RRBP1: variants seen among roughly 807,000 people sequenced by gnomAD.
RRBP1 encodes the protein ribosome binding protein 1, also known as ribosome-binding protein 1.
Under a neutral mutation model 165.2 loss-of-function variants are expected in RRBP1, and 94 were observed. The observed-to-expected ratio is 0.57, with a 90% CI of 0.48 to 0.68. The LOEUF is 0.68. Among genes scored for constraint, RRBP1 ranks in the 30% least tolerant of loss-of-function variants. The probability of loss-of-function intolerance (pLI) is 0.00; values close to 1 mark genes in which losing one functional copy is unlikely to be tolerated. For missense variants in RRBP1, 1,676 were observed against 1,763.0 expected (o/e 0.95, Z 0.88); for synonymous variants, 680 against 714.5 (o/e 0.95, Z 0.77).
At chr20:17,653,831 C>T (rs1278909011) in intron 3 of RRBP1, among the ~76,000 whole-genome samples, 1 of 124,564 alleles carries the variant, frequency 8.0e-6, no homozygotes, top group African/African-American at 2.9e-5. Flanking sequence ...GAGACTCCAT[C>T]TCAAAAAAAA....
chr20:17,672,881 A>C (rs1017414953), intron 2 of RRBP1, among the ~76,000 whole-genome samples: 1 of 152,222 alleles, frequency 6.6e-6, no homozygotes, highest in Non-Finnish European at 1.5e-5. Context: ...ACAAAAGAGC[A>C]TATGCCGTTT....
chr20:17,614,248 G>C (rs1462191324), intron 24 of RRBP1, 28 bp from the exon 25 acceptor site: 2 of 1,610,656 alleles, frequency 1.2e-6, no homozygotes, highest in African/African-American at 2.7e-5. Context: ...TGGCGTGAGG[G>C]GGGCTGGGCC....
At position 17,620,811 on chromosome 20, in the gene RRBP1, G is replaced by A. The variant is rs1462250902; in HGVS notation, c.3415-4C>T. On this transcript the variant is annotated splice_region_variant and splice_polypyrimidine_tract_variant and intron_variant, in intron 16 of 24. Transcript: ENST00000377813. ...GCAGGTCTCTGAGCATGCCCTCCTGGGGGGAAACCGAGGTGAGGCAGGGCC... is the reference window on the plus strand; with the variant it reads ...GCAGGTCTCTGAGCATGCCCTCCTGAGGGGAAACCGAGGTGAGGCAGGGCC... 4 of 1,599,592 alleles carry A rather than the reference G, an allele frequency of 2.5e-6. No homozygotes were observed. Among genetic ancestry groups the A allele is most frequent in the Non-Finnish European group, 3.4e-6 (4 of 1,174,142 alleles).
Position 17,619,608 on chromosome 20 carries a change from T to A in RRBP1, c.3675+25A>T, listed in dbSNP as rs754529565. 10 of 1,568,840 alleles carry A rather than the reference T, an allele frequency of 6.4e-6. No individual in the cohort carries two copies. In the Middle Eastern group the frequency reaches 5.1e-4, roughly 80 times the overall value. On this transcript the variant is annotated intron_variant, in intron 19 of 24. Transcript: ENST00000377813. ...GACCGCAGATCTGCTGGGCAGGGGC[T>A]GCACTCCTTGGGGGGCAGACTCACC...
chr20:17,663,089 A>G (rs922579864), intron 2 of RRBP1, among the ~76,000 whole-genome samples: 8 of 152,338 alleles, frequency 5.3e-5, no homozygotes, highest in African/African-American at 1.9e-4. Context: ...GGTCACCCTC[A>G]CTGAGGCTCC....
intron 3 of RRBP1, among the ~76,000 whole-genome samples, chr20:17,651,862 C>A (rs1386795953): frequency 6.6e-6 from 1 of 152,260 alleles, no homozygotes; most frequent in Non-Finnish European, 1.5e-5. Context: ...GGGCCCCCAT[C>A]TGCTCTTGGA....
chr20:17,614,915 G>A, intron 23 of RRBP1, 35 bp from the exon 24 acceptor site: 1 of 1,607,658 alleles, frequency 6.2e-7, no homozygotes, highest in East Asian at 2.2e-5. Flanking sequence ...ATCAGCCCTT[G>A]CACCGGCAGG....
intron 7 of RRBP1, 84 bp downstream of exon 7, chr20:17,635,462 C>G: frequency 2.0e-6 from 2 of 1,000,508 alleles, no homozygotes; most frequent in Non-Finnish European, 3.0e-6. Context: ...GGCTCTTGTG[C>G]CAGCTGCCCT....
Position 17,660,377 on chromosome 20 carries a change from T to C in RRBP1, c.131A>G (p.Asn44Ser), listed in dbSNP as rs772063953. 12 of 1,614,076 alleles carry C rather than the reference T, an allele frequency of 7.4e-6. No homozygotes were observed. Among genetic ancestry groups the C allele is most frequent in the Middle Eastern group, 1.6e-4 (1 of 6,084 alleles). ...KETSYEEALA[N>S]QRKEMAKTHH... ...AGTTTTCGCCATCTCCTTGCGCTGG[T>C]TGGCTAGGGCTTCTTCATATGACGT... Residue 44 changes from asparagine to serine, a missense_variant, in exon 3 of 25, where the codon AAC (asparagine) becomes AGC (serine). Around this residue, in one of 5 missense-constraint regions of RRBP1, gnomAD observed 392 missense variants for 382.5 expected, o/e 1.02. Transcript: ENST00000377813.
At chr20:17,673,984 T>C (rs2037027407) in intron 2 of RRBP1, among the ~76,000 whole-genome samples, 1 of 152,188 alleles carries the variant, frequency 6.6e-6, no homozygotes, top group African/African-American at 2.4e-5. Context: ...TACAAATACC[T>C]AGAACTACCA....
intron 2 of RRBP1, 135 bp from the exon 3 acceptor site, chr20:17,660,663 AG>A (rs2036748611): frequency 4.8e-6 from 3 of 627,788 alleles, no homozygotes; most frequent in Non-Finnish European, 8.3e-6. Flanking sequence ...AAACAAACCC[AG>A]GCACTCTCTG....
At position 17,627,656 on chromosome 20, in the gene RRBP1, C is replaced by T. The variant is rs777249808; in HGVS notation, c.2776G>A (p.Glu926Lys). ...TCGCATTTGCTGCGCACCTCCGCCT[C>T]GGAGGACTGTAACTTGCTGTGCAGC... ...AELHSKLQSS[E>K]AEVRSKCEEL... Residue 926 changes from glutamate (E) to lysine (K), a missense_variant, in exon 10 of 25, where the codon GAG becomes AAG. Around this residue, in one of 5 missense-constraint regions of RRBP1, gnomAD observed 1,184 missense variants for 1,167.1 expected, o/e 1.01. Coordinates refer to ENST00000377813, the MANE Select transcript of RRBP1 (RefSeq NM_001365613.2). 27 of 1,608,770 alleles carry T rather than the reference C, an allele frequency of 1.7e-5. No individual in the cohort carries two copies. The highest frequency in any genetic ancestry group is 6.7e-5 in the East Asian group (3 of 44,784).
chr20:17,639,349 T>C (rs1265125578), intron 5 of RRBP1, among the ~76,000 whole-genome samples: 1 of 152,262 alleles, frequency 6.6e-6, no homozygotes, highest in Non-Finnish European at 1.5e-5. Flanking sequence ...TCTTTCTCAG[T>C]GTGTCCAGAT....
intron 3 of RRBP1, among the ~76,000 whole-genome samples, chr20:17,649,850 C>T (rs115238335): frequency 1.3e-5 from 2 of 152,304 alleles, no homozygotes; most frequent in African/African-American, 4.8e-5. Context: ...CCCCCTCCCA[C>T]CACGGCACTG....
At chr20:17,675,459 A>G (rs1383150152) in intron 2 of RRBP1, among the ~76,000 whole-genome samples, 2 of 151,064 alleles carry the variant, frequency 1.3e-5, no homozygotes, top group African/African-American at 4.8e-5. Context: ...GGTAGAGCTT[A>G]CGCTTCAGAG....
chr20:17,645,521 G>C (rs985308280), intron 3 of RRBP1, among the ~76,000 whole-genome samples: 4 of 152,114 alleles, frequency 2.6e-5, no homozygotes, highest in Admixed American at 2.6e-4. Context: ...TGTTTTTAGA[G>C]AGCTATAACT....
chr20:17,679,269 CAAT>C (rs1392856666), intron 2 of RRBP1, among the ~76,000 whole-genome samples: 3 of 152,196 alleles, frequency 2.0e-5, no homozygotes, highest in African/African-American at 7.2e-5. Flanking sequence ...TTCATTTATC[CAAT>C]GAGACAGCTG....
chr20:17,646,051 A>G (rs1192973048), intron 3 of RRBP1, among the ~76,000 whole-genome samples: 1 of 152,196 alleles, frequency 6.6e-6, no homozygotes, highest in Non-Finnish European at 1.5e-5. Context: ...CAGGGGACAC[A>G]GCAACACCCC....
At chr20:17,654,109 T>C (rs890374473) in intron 3 of RRBP1, among the ~76,000 whole-genome samples, 6 of 152,172 alleles carry the variant, frequency 3.9e-5, no homozygotes, top group South Asian at 2.1e-4. Flanking sequence ...CCCCAATCGC[T>C]ACCCGCTCAG....
Sources: allele counts gnomAD v4.1 joint callset (sites outside exome capture counted in the v4.1 genomes callset), GRCh38; gene constraint gnomAD v4.1.1; regional missense constraint gnomAD v4.1.1; transcripts MANE v1.5; gene names NCBI Gene and HGNC (gene_info 2026-07-23, HGNC 2026-07-21).